LYRM4: variants seen among roughly 807,000 people sequenced by gnomAD.
LYRM4 encodes the protein LYR motif containing 4.
Under a neutral mutation model 11.7 loss-of-function variants are expected in LYRM4, and 9 were observed. The ratio of observed to expected loss-of-function variants is 0.77; its 90% CI spans 0.46 to 1.34. The LOEUF (loss-of-function observed/expected upper bound fraction) is 1.34. LYRM4 is among the 40% of genes most tolerant of loss of function. The pLI is 0.00. For missense variants in LYRM4, 133 were observed against 112.5 expected, an observed-to-expected ratio of 1.18 and a Z score of -0.82; for synonymous variants, 42 against 40.4, an observed-to-expected ratio of 1.04 and a Z score of -0.15.
At chr6:5,139,620 G>A (rs1479697308) in intron 2 of LYRM4, among the ~76,000 whole-genome samples, 3 of 152,184 alleles carry the variant, frequency 2.0e-5, no homozygotes, top group Non-Finnish European at 2.9e-5. Flanking sequence ...AACTGGATGT[G>A]TACACAGACT....
At chr6:5,255,454 T>C (rs929721272) in intron 1 of LYRM4, among the ~76,000 whole-genome samples, 2 of 152,154 alleles carry the variant, frequency 1.3e-5, no homozygotes, top group Admixed American at 6.5e-5. Flanking sequence ...AAAAGTGTTA[T>C]TTAACATAAT....
At chr6:5,099,840 A>G (rs1037760941), downstream of LYRM4, among the ~76,000 whole-genome samples, 1 of 152,228 alleles carries the variant, frequency 6.6e-6, no homozygotes, top group Non-Finnish European at 1.5e-5. This position sits in a 1 kb window ranked among gnomAD's most constrained non-coding sequence, Gnocchi z 4.3. Flanking sequence ...ACCCAGGTCA[A>G]TCTGACCCAG....
rs554293770 is a variant in LYRM4 at position 5,154,580 on chromosome 6, G to C, written c.208-45089C>G. Among the ~76,000 whole-genome samples, 4 of 152,312 alleles carry C rather than the reference G, an allele frequency of 2.6e-5. No individual in the cohort carries two copies. In the East Asian group the frequency reaches 7.7e-4, roughly 29 times the overall value. On this transcript the variant is annotated intron_variant, in intron 2 of 2. Transcript: ENST00000330636. ...GCCTGTAATCCCAGGACTTTGGGAG[G>C]CCAAGGTGGGCAGATCATGAGGTCA...
chr6:5,239,561 C>T (rs1444494696), intron 1 of LYRM4, among the ~76,000 whole-genome samples: 4 of 151,874 alleles, frequency 2.6e-5, no homozygotes, highest in African/African-American at 4.8e-5. Context: ...AAGAGAGGAG[C>T]AGACAAGGAG....
intron 1 of LYRM4, among the ~76,000 whole-genome samples, chr6:5,228,136 T>TAAAACAAAAC (rs143301751): frequency 3.3e-5 from 5 of 151,952 alleles, no homozygotes; most frequent in African/African-American, 1.2e-4. Flanking sequence ...GAACTTAAAG[T>TAAAACAAAAC]AAAACAAAAC....
At chr6:5,112,356 C>T (rs750568722) in intron 2 of LYRM4, among the ~76,000 whole-genome samples, 3 of 152,070 alleles carry the variant, frequency 2.0e-5, no homozygotes, top group Non-Finnish European at 2.9e-5. Context: ...CACTGCTCAG[C>T]AGATCTGTGA....
chr6:5,252,894 T>A lies in LYRM4; in HGVS notation c.86+7754A>T, dbSNP rs867353055. On this transcript the variant is annotated intron_variant, in intron 1 of 2. Coordinates refer to ENST00000330636, the MANE Select transcript of LYRM4 (RefSeq NM_020408.6). ...TGCTAAATAAGCTCTGGCAGCTACA[T>A]ACCTCTAGACCTTTCCTATGTGAGA... 4.6e-5 allele frequency among the ~76,000 whole-genome samples: 7 copies of A among 152,224 alleles called. No homozygotes were observed. In the Middle Eastern group the frequency reaches 0.02, roughly 444 times the overall value.
chr6:5,176,550 C>G (rs1286721163), intron 2 of LYRM4, among the ~76,000 whole-genome samples: 1 of 152,198 alleles, frequency 6.6e-6, no homozygotes, highest in Non-Finnish European at 1.5e-5. Flanking sequence ...CCGTTCCTCC[C>G]CTCCTCAGGA....
rs374797628 is a variant in LYRM4 at position 5,260,752 on chromosome 6, T to A, written c.-19A>T. The stretch of plus-strand genomic sequence containing the variant: ...CTGCCATTTTGGAAAGAAAAAAAAA[T>A]AAACGGGTCCTCTTCGCCGAGGTCC... On this transcript the variant is annotated 5_prime_UTR_variant, in exon 1 of 3. Coordinates refer to ENST00000330636, the MANE Select transcript of LYRM4 (RefSeq NM_020408.6). The A allele has an allele frequency of 1.3e-6, 2 of 1,540,372 alleles. No homozygotes were observed. Among genetic ancestry groups the A allele is most frequent in the South Asian group, 1.2e-5 (1 of 84,028 alleles).
intron 1 of LYRM4, among the ~76,000 whole-genome samples, chr6:5,232,093 C>T (rs1763275811): frequency 6.6e-6 from 1 of 152,098 alleles, no homozygotes; most frequent in South Asian, 2.1e-4. Flanking sequence ...ATTGATCTGT[C>T]AAAACACAAG....
chr6:5,160,100 T>C (rs557884196), intron 2 of LYRM4, among the ~76,000 whole-genome samples: 1 of 152,344 alleles, frequency 6.6e-6, no homozygotes, highest in Admixed American at 6.5e-5. Flanking sequence ...GCTTGGTGAC[T>C]GCTATTTGTG....
At chr6:5,138,445 A>AACTGTACT (rs1757218977) in intron 2 of LYRM4, among the ~76,000 whole-genome samples, 1 of 130,254 alleles carries the variant, frequency 7.7e-6, no homozygotes, top group Admixed American at 9.6e-5. Flanking sequence ...TAATCATGCC[A>AACTGTACT]ACTGTACTTC....
In LYRM4 at chr6:5,217,915, G is replaced by GT. The variant is rs199654641; in HGVS notation, c.87-1178dup. Among the ~76,000 whole-genome samples the GT allele has an allele frequency of 5.7e-3, 851 of 150,062 alleles. 3 individuals are homozygous for GT. The highest frequency in any genetic ancestry group is 7.4e-3 in the Non-Finnish European group (498 of 67,344). On this transcript the variant is annotated intron_variant, in intron 1 of 2. Coordinates refer to ENST00000330636, the MANE Select transcript of LYRM4 (RefSeq NM_020408.6). ...GCATGTGAGACACCATTTTCTCTAT[G>GT]TTTTTTTTTTCTTTTTTAGAGATGG...
chr6:5,163,904 C>T lies in LYRM4; in HGVS notation c.207+52714G>A, dbSNP rs138986211. On this transcript the variant is annotated intron_variant, in intron 2 of 2. Transcript: ENST00000330636. ...TTACAGCATGAGCCACTGTGCCCAG[C>T]CTAGGACTGCATTAAATTTATATAT... Among the ~76,000 whole-genome samples, 48 of 152,214 alleles carry T rather than the reference C, an allele frequency of 3.2e-4. 3 individuals carry two copies. The East Asian group carries it at 7.7e-3, about 24-fold the overall frequency.
At chr6:5,225,834 A>T (rs1469986325) in intron 1 of LYRM4, among the ~76,000 whole-genome samples, 2 of 152,242 alleles carry the variant, frequency 1.3e-5, no homozygotes, top group Non-Finnish European at 2.9e-5. Context: ...TATGTCCCCA[A>T]CATCTCTGCC....
chr6:5,078,958 T>G, the LYRM4 span, among the ~76,000 whole-genome samples: 1 of 152,210 alleles, frequency 6.6e-6, no homozygotes, highest in Non-Finnish European at 1.5e-5. Context: ...TAAAAATACT[T>G]TGGCATATTA....
At chr6:5,239,096 G>A (rs1763714914) in intron 1 of LYRM4, among the ~76,000 whole-genome samples, 1 of 152,234 alleles carries the variant, frequency 6.6e-6, no homozygotes, top group Non-Finnish European at 1.5e-5. Context: ...AGAACAGGAG[G>A]TAGATAGACC....
the LYRM4 span, among the ~76,000 whole-genome samples, chr6:5,081,083 T>C: frequency 6.9e-6 from 1 of 145,936 alleles, no homozygotes; most frequent in East Asian, 1.9e-4. Context: ...GGAGTAAATA[T>C]TTTAGCAGTG....
At position 5,109,411 on chromosome 6, in the gene LYRM4, G is replaced by A. The variant is rs1413633982; in HGVS notation, c.*12C>T. 6.2e-7 allele frequency: 1 copy of A among 1,613,914 alleles called. No homozygotes were observed. The highest frequency in any genetic ancestry group is 8.5e-7 in the Non-Finnish European group (1 of 1,179,842). On this transcript the variant is annotated 3_prime_UTR_variant, in exon 3 of 3. Coordinates refer to ENST00000330636, the MANE Select transcript of LYRM4 (RefSeq NM_020408.6). ...GGTCCCTGGCCGCCACTGGTGGCTG[G>A]TCCCCGGCTTGCTAGGTCCTGGGCA...
Sources: gnomAD v4.1 joint callset for allele counts (sites outside exome capture counted in the v4.1 genomes callset) on GRCh38, gnomAD v4.1.1 for gene constraint, Gnocchi (gnomAD v3.1) non-coding constraint, MANE v1.5 for transcripts, NCBI Gene and HGNC (gene_info 2026-07-23, HGNC 2026-07-21) for gene names.